The following BRD2 variants were observed in gnomAD, a reference collection of about 807,000 sequenced individuals.
BRD2 encodes bromodomain-containing protein 2.
In BRD2, 15 loss-of-function variants were observed where a neutral mutation model predicts 79.1. The ratio of observed to expected loss-of-function variants is 0.19; its 90% CI spans 0.13 to 0.29. The LOEUF is 0.29. BRD2 is among the 10% of genes least tolerant of loss of function. The probability of loss-of-function intolerance (pLI) is 1.00; values close to 1 mark genes in which losing one functional copy is unlikely to be tolerated. For synonymous variants in BRD2, 488 were observed against 358.6 expected, an observed-to-expected ratio of 1.36 and a Z score of -4.08; for missense variants, 1,053 against 991.3, an observed-to-expected ratio of 1.06 and a Z score of -0.84.
chr6:32,977,630 TG>T, intron 8 of BRD2, 60 bp downstream of exon 8: 1 of 1,606,626 alleles, frequency 6.2e-7, no homozygotes, highest in Admixed American at 1.7e-5. Flanking sequence ...TTGTCATGTG[TG>T]CTGCATAGCC....
chr6:32,974,732 G>A lies in BRD2; in HGVS notation c.300G>A (p.Arg100=). The change falls in exon 3 of 13, where the codon CGG becomes CGA. Residue 100 remains arginine, a synonymous_variant. Transcript: ENST00000374825. ...LWKHQFAWPF[R]QPVDAVKLGL... ...AACATCAGTTCGCATGGCCATTCCG[G>A]CAGCCTGTGGATGCTGTCAAACTGG... is the stretch of plus-strand genomic sequence containing the variant. 6.2e-7 allele frequency: 1 copy of A among 1,614,046 alleles called. No homozygotes were observed.
At position 32,980,821 on chromosome 6, in the gene BRD2, ACC is replaced by A. The variant is rs5875429; in HGVS notation, c.*111_*112del. On this transcript the variant is annotated 3_prime_UTR_variant, in exon 13 of 13. Transcript: ENST00000374825. ...CTTTGCTGTGACACTTCTTCATCTC[ACC>A]CCCCCCCGCCCCCCTCTAGGAGAGC... is the stretch of plus-strand genomic sequence containing the variant. 20 of 1,227,086 alleles carry A rather than the reference ACC, an allele frequency of 1.6e-5. No individual in the cohort carries two copies. Among genetic ancestry groups the A allele is most frequent in the Non-Finnish European group, 2.0e-5 (18 of 888,498 alleles). The allele number at this position is 1,227,086 out of a possible 1,614,324, so 76.0% of individuals were successfully genotyped here.
intron 10 of BRD2, chr6:32,979,247 TA>T (rs1779211698): frequency 6.3e-6 from 1 of 158,478 alleles, no homozygotes; most frequent in Non-Finnish European, 1.4e-5. Context: ...GCAGCTAGTT[TA>T]TGTAGTTTTA....
At chr6:32,974,401 T>G in intron 2 of BRD2, 61 bp from the exon 3 acceptor site, 1 of 1,526,132 alleles carries the variant, frequency 6.6e-7, no homozygotes, top group South Asian at 1.2e-5. Flanking sequence ...CAGACTATTG[T>G]GCAGATGCAC....
Position 32,972,800 on chromosome 6 carries a change from C to T in BRD2, c.-99C>T. The T allele has an allele frequency of 6.3e-7, 1 of 1,581,772 alleles. No individual in the cohort carries two copies. Among genetic ancestry groups the T allele is most frequent in the Non-Finnish European group, 8.6e-7 (1 of 1,156,720 alleles). ...CTGGAGGCCCAAGAGGAACGGCCTCCCCCCAACTTAGCGGGTTATGCTGGA... is the reference window on the plus strand; with the variant it reads ...CTGGAGGCCCAAGAGGAACGGCCTCTCCCCAACTTAGCGGGTTATGCTGGA... On this transcript the variant is annotated 5_prime_UTR_variant, in exon 2 of 13. Transcript: ENST00000374825.
rs370362856 is a variant in BRD2, at chr6:32,977,608, T to G, written c.1329+38T>G. The G allele has an allele frequency of 1.7e-5, 27 of 1,610,824 alleles. No individual in the cohort carries two copies. The African/African-American group carries it at 3.1e-4, about 18-fold the overall frequency. On this transcript the variant is annotated intron_variant, in intron 8 of 12. Transcript: ENST00000374825. ...GTTGGAGTTTGAAAAATAAATGGTATGGGGAGTTATTTTGTCATGTGTGCT... is the reference window on the plus strand; with the variant it reads ...GTTGGAGTTTGAAAAATAAATGGTAGGGGGAGTTATTTTGTCATGTGTGCT...
chr6:32,979,627 A>G, intron 10 of BRD2: 2 of 562,348 alleles, frequency 3.6e-6, no homozygotes, highest in South Asian at 2.4e-5. Context: ...TTTTAAAGAC[A>G]TGTTATTGCC....
chr6:32,972,628 T>G lies in BRD2; in HGVS notation c.-271T>G. The G allele has an allele frequency of 6.9e-6, 4 of 580,918 alleles. No individual in the cohort carries two copies. Among genetic ancestry groups the G allele is most frequent in the South Asian group, 6.2e-5 (3 of 48,630 alleles). The allele number at this position is 580,918 out of a possible 1,614,324, so 36.0% of individuals were successfully genotyped here. On this transcript the variant is annotated 5_prime_UTR_variant, in exon 2 of 13. Coordinates refer to ENST00000374825, the MANE Select transcript of BRD2 (RefSeq NM_005104.4). The stretch of plus-strand genomic sequence containing the variant: ...AGATCGGGGACCGTCTTTTGAAGAG[T>G]CAGTCCCTCCTTAGTTGCCCGCCTC...
rs768253220 is a variant in BRD2, at chr6:32,972,087, A to AGCGCGC, written c.-804_-799dup. ...CTCAGCTTCTTCACCCGCGTGAGCG[A>AGCGCGC]GCGCGCGCGCGCGGAGGGGGTGGGG... On this transcript the variant is annotated 5_prime_UTR_variant, in exon 2 of 13. Transcript: ENST00000374825. The AGCGCGC allele has an allele frequency of 1.5e-6, 1 of 670,570 alleles. No homozygotes were observed. The highest frequency in any genetic ancestry group is 2.1e-5 in the Admixed American group (1 of 47,500). 41.5% of individuals were successfully genotyped at this position (670,570 alleles called of 1,614,324 possible).
At position 32,972,775 on chromosome 6, in the gene BRD2, C is replaced by G. The variant is rs11555088; in HGVS notation, c.-124C>G. 2,790 of 1,458,800 alleles carry G rather than the reference C, an allele frequency of 1.9e-3. 8 individuals are homozygous for G. Among genetic ancestry groups the G allele is most frequent in the Admixed American group, 2.9e-3 (173 of 58,852 alleles). The allele number at this position is 1,458,800 out of a possible 1,614,324, so 90.4% of individuals were successfully genotyped here. On this transcript the variant is annotated 5_prime_UTR_variant, in exon 2 of 13. Transcript: ENST00000374825. ...GCCGGCCAGGCAGGGGGTTTGTCGCCTGGAGGCCCAAGAGGAACGGCCTCC... is the reference window on the plus strand; with the variant it reads ...GCCGGCCAGGCAGGGGGTTTGTCGCGTGGAGGCCCAAGAGGAACGGCCTCC...
chr6:32,971,329 G>C, intron 1 of BRD2: 1 of 355,076 alleles, frequency 2.8e-6, no homozygotes, highest in Non-Finnish European at 5.0e-6. Context: ...GGAGGGATTA[G>C]AAAGGTGCTT....
At position 32,980,480 on chromosome 6, in the gene BRD2, C is replaced by G. The variant is rs1168945886; in HGVS notation, c.2269+16C>G. 3.1e-6 allele frequency: 5 copies of G among 1,612,828 alleles called. No homozygotes were observed. Among genetic ancestry groups the G allele is most frequent in the East Asian group, 4.5e-5 (2 of 44,902 alleles). On this transcript the variant is annotated intron_variant, in intron 12 of 12. Coordinates refer to ENST00000374825, the MANE Select transcript of BRD2 (RefSeq NM_005104.4). ...CCCAAGAAAGGTGAGTATATACTTT[C>G]ATGCCACTACAGATTGACTCCATCC... is the stretch of plus-strand genomic sequence containing the variant.
At chr6:32,970,581 A>G (rs1446720155) in intron 1 of BRD2, 1 of 151,958 alleles carries the variant, frequency 6.6e-6, no homozygotes, top group African/African-American at 2.4e-5. Context: ...ATACGTACAC[A>G]AGTTTGTTTT....
chr6:32,973,774 C>T (rs758626032), intron 2 of BRD2, among the ~76,000 whole-genome samples: 1 of 152,052 alleles, frequency 6.6e-6, no homozygotes, highest in Admixed American at 6.6e-5. Context: ...TTTTGACTTC[C>T]TTGGAGTGAG....
intron 3 of BRD2, 197 bp from the exon 4 acceptor site, chr6:32,975,187 T>G: frequency 7.6e-7 from 1 of 1,317,012 alleles, no homozygotes; most frequent in Non-Finnish European, 1.0e-6. Context: ...GGGGCCTCCC[T>G]GTGGATGTCA....
intron 1 of BRD2, chr6:32,970,680 C>A (rs894348141): frequency 6.6e-6 from 1 of 152,238 alleles, no homozygotes; most frequent in African/African-American, 2.4e-5. Flanking sequence ...CTTTCACTCT[C>A]TTGTAAGGGG....
intron 3 of BRD2, 92 bp from the exon 4 acceptor site, chr6:32,975,292 G>GTA: frequency 9.1e-7 from 1 of 1,100,160 alleles, no homozygotes. Context: ...GGGGGTGTGT[G>GTA]TGTGTGTGTG....
chr6:32,975,525 A>G lies in BRD2; in HGVS notation c.471+4A>G. 9 of 1,610,762 alleles carry G rather than the reference A, an allele frequency of 5.6e-6. No homozygotes were observed. Among genetic ancestry groups the G allele is most frequent in the South Asian group, 5.5e-5 (5 of 90,532 alleles). ...CAACTGTTACATTTACAACAAGGTG[A>G]GTTTTTCTGTGTGTTCATTTAGTAG... On this transcript the variant is annotated splice_donor_region_variant and intron_variant, in intron 4 of 12. Coordinates refer to ENST00000374825, the MANE Select transcript of BRD2 (RefSeq NM_005104.4).
At position 32,974,602 on chromosome 6, in the gene BRD2, C is replaced by A. The variant is rs572424072; in HGVS notation, c.170C>A (p.Thr57Asn). The change falls in exon 3 of 13, where the codon ACC becomes AAC. Residue 57 changes from threonine to asparagine, a missense_variant. Physicochemically the swap from Thr to Asn is moderately conservative, Grantham distance 65. Coordinates refer to ENST00000374825, the MANE Select transcript of BRD2 (RefSeq NM_005104.4). ...GCTTCGGTGCCTGCTTTGCAACTTACCCCTGCCAACCCACCACCCCCGGAG... is the reference window on the plus strand; with the variant it reads ...GCTTCGGTGCCTGCTTTGCAACTTAACCCTGCCAACCCACCACCCCCGGAG... Reference protein sequence around the residue: ...TMASVPALQLTPANPPPPEVS... With the variant: ...TMASVPALQLNPANPPPPEVS... 38 of 1,614,232 alleles carry A rather than the reference C, an allele frequency of 2.4e-5. No homozygotes were observed. In the South Asian group the frequency reaches 2.7e-4, roughly 12 times the overall value.
Sources: allele counts gnomAD v4.1 joint callset (sites outside exome capture counted in the v4.1 genomes callset), GRCh38; gene constraint gnomAD v4.1.1; transcripts MANE v1.5; gene names NCBI Gene and HGNC (gene_info 2026-07-23, HGNC 2026-07-21).